Variants in ARHGAP36 observed in about 807,000 individuals in gnomAD.
ARHGAP36 encodes rho GTPase-activating protein 36.
A neutral mutation model predicts 32.9 loss-of-function variants in ARHGAP36; 7 were observed. The observed-to-expected ratio is 0.21, with a 90% CI of 0.12 to 0.40. ARHGAP36 has a LOEUF of 0.40. ARHGAP36 is among the 10% of genes least tolerant of loss of function. ARHGAP36 has a pLI of 1.00. For missense variants in ARHGAP36, 383 were observed against 442.2 expected (o/e 0.87, Z 1.20); for synonymous variants, 165 against 168.3 (o/e 0.98, Z 0.15).
intron 1 of ARHGAP36, chrX:131,078,652 C>T: frequency 1.4e-6 from 1 of 696,783 alleles, no homozygotes; most frequent in South Asian, 2.6e-5. Context: ...CTACTCATTC[C>T]CCCTCCCCAC....
chrX:131,081,415 C>T, intron 1 of ARHGAP36, 109 bp from the exon 2 acceptor site: 1 of 415,313 alleles, frequency 2.4e-6, no homozygotes, highest in Non-Finnish European at 3.2e-6. Context: ...TTTATTTTTT[C>T]TTCTTATTTT....
chrX:131,084,757 GACT>G lies in ARHGAP36; in HGVS notation c.804+79_804+81del. Reference sequence around the variant, plus strand: ...GGAGGTGGGGTTTCCCCATAGACCTGACTACCTGGTGGGGGGAGGAGCAGGGTC... The same window carrying G: ...GGAGGTGGGGTTTCCCCATAGACCTGACCTGGTGGGGGGAGGAGCAGGGTC... On this transcript the variant is annotated intron_variant, in intron 6 of 11. Transcript: ENST00000276211. 3.4e-6 allele frequency: 4 copies of G among 1,181,962 alleles called. No individual in the cohort carries two copies. In the South Asian group the frequency reaches 7.3e-5, roughly 22 times the overall value.
rs373746776 is a variant in ARHGAP36 at position 131,069,128 on chromosome X, C to A, written c.-143+10684C>A. On this transcript the variant is annotated intron_variant, in intron 1 of 11. Coordinates refer to ENST00000276211, the MANE Select transcript of ARHGAP36 (RefSeq NM_144967.4). ...TGCTTTGCACTTCTGGTTCTGGCCG[C>A]ACAGCCCCTGTGAGAATCTCTGAGG... Among the ~76,000 whole-genome samples the A allele has an allele frequency of 3.4e-3, 383 of 112,110 alleles. 2 individuals are homozygous for A. The highest frequency in any genetic ancestry group is 0.012 in the African/African-American group (369 of 30,847).
rs757546080 is a variant in ARHGAP36, at chrX:131,086,125, T to C, written c.1281+36T>C. On this transcript the variant is annotated intron_variant, in intron 9 of 11. Transcript: ENST00000276211. Reference sequence around the variant, plus strand: ...GTTTTGGATGCACTTGTTTTACACATCCATCTCCTGTTCACAAGGCAAGGC... The same window carrying C: ...GTTTTGGATGCACTTGTTTTACACACCCATCTCCTGTTCACAAGGCAAGGC... The C allele has an allele frequency of 9.2e-6, 11 of 1,193,895 alleles. No individual in the cohort carries two copies. The South Asian group carries it at 1.8e-4, about 20-fold the overall frequency.
At chrX:131,061,486 A>G (rs1195715371) in intron 1 of ARHGAP36, among the ~76,000 whole-genome samples, 1 of 111,537 alleles carries the variant, frequency 9.0e-6, no homozygotes, top group Middle Eastern at 4.3e-3. Flanking sequence ...TTGGCATTGG[A>G]TTTGGCCTCA....
At chrX:131,061,121 T>C (rs1335700936) in intron 1 of ARHGAP36, among the ~76,000 whole-genome samples, 1 of 109,925 alleles carries the variant, frequency 9.1e-6, no homozygotes. Context: ...AGCTGGCATG[T>C]GACAGCAATT....
At position 131,074,360 on chromosome X, in the gene ARHGAP36, A is replaced by T. The variant is rs7391458; in HGVS notation, c.-142-7164A>T. On this transcript the variant is annotated intron_variant, in intron 1 of 11. Transcript: ENST00000276211. ...GTGAGTGTGTGTGTGTGTGTGTGTG[A>T]GAGAGAGAGAGAGAGGGAAAATGCT... 5.9e-4 allele frequency among the ~76,000 whole-genome samples: 19 copies of T among 32,098 alleles called. No individual in the cohort carries two copies. The East Asian group carries it at 7.1e-3, about 12-fold the overall frequency. The allele number at this position is 32,098 out of a possible 115,157, so 27.9% of individuals were successfully genotyped here.
At chrX:131,067,940 G>A (rs963870089) in intron 1 of ARHGAP36, among the ~76,000 whole-genome samples, 1 of 110,950 alleles carries the variant, frequency 9.0e-6, no homozygotes, top group African/African-American at 3.3e-5. Flanking sequence ...ATGCACACAA[G>A]CTTCAACGGG....
intron 1 of ARHGAP36, among the ~76,000 whole-genome samples, chrX:131,073,991 G>A (rs1028417850): frequency 9.0e-6 from 1 of 111,464 alleles, no homozygotes; most frequent in Non-Finnish European, 1.9e-5. Flanking sequence ...CACTCAGACA[G>A]GATTTTGAAA....
At position 131,088,852 on chromosome X, in the gene ARHGAP36, A is replaced by C; in HGVS notation, c.*67A>C. The C allele has an allele frequency of 8.7e-7, 1 of 1,144,108 alleles. No homozygotes were observed. Among genetic ancestry groups the C allele is most frequent in the Non-Finnish European group, 1.2e-6 (1 of 860,727 alleles). 94.3% of individuals were successfully genotyped at this position (1,144,108 alleles called of 1,213,427 possible). ...GGGGGTACATCTGGGATGTCACAGG[A>C]AACATTAAGGAGAGAGTTGAAGGTA... On this transcript the variant is annotated 3_prime_UTR_variant, in exon 12 of 12. Coordinates refer to ENST00000276211, the MANE Select transcript of ARHGAP36 (RefSeq NM_144967.4).
intron 1 of ARHGAP36, among the ~76,000 whole-genome samples, chrX:131,077,323 C>T (rs2079767706): frequency 8.9e-6 from 1 of 112,127 alleles, no homozygotes; most frequent in Non-Finnish European, 1.9e-5. Flanking sequence ...AACTTTGAGG[C>T]ACTCTCAGAG....
In ARHGAP36 at chrX:131,083,160, T is replaced by C; in HGVS notation, c.254-5T>C. ...GTGTATCTTTTCTTTTTTCTCTTTC[T>C]GTAGCTCTGCCTATTGACCGTCCGA... On this transcript the variant is annotated splice_region_variant and splice_polypyrimidine_tract_variant and intron_variant, in intron 2 of 11. Coordinates refer to ENST00000276211, the MANE Select transcript of ARHGAP36 (RefSeq NM_144967.4). 1.7e-6 allele frequency: 2 copies of C among 1,209,771 alleles called. No homozygotes were observed. Among genetic ancestry groups the C allele is most frequent in the East Asian group, 3.0e-5 (1 of 33,836 alleles).
chrX:131,084,441 G>A (rs1476283474), intron 5 of ARHGAP36, 34 bp downstream of exon 5: 2 of 1,177,612 alleles, frequency 1.7e-6, no homozygotes, highest in Non-Finnish European at 2.3e-6. Context: ...ATCAAGGAAG[G>A]AAGCAAAGGG....
chrX:131,083,544 G>T (rs1419641273), intron 3 of ARHGAP36, among the ~76,000 whole-genome samples, 190 bp from the exon 4 acceptor site: 1 of 111,920 alleles, frequency 8.9e-6, no homozygotes, highest in Non-Finnish European at 1.9e-5. Flanking sequence ...TGGTTGAGTG[G>T]AGCTGAGTCC....
chrX:131,082,292 T>G (rs1054947053), intron 2 of ARHGAP36, among the ~76,000 whole-genome samples: 6 of 110,920 alleles, frequency 5.4e-5, no homozygotes, highest in Non-Finnish European at 1.1e-4. Context: ...CTGGGAGAGA[T>G]AGAGACAGCG....
In ARHGAP36 at chrX:131,081,723, C is replaced by A. The variant is rs778383720; in HGVS notation, c.58C>A (p.Pro20Thr). ...AAGGGCACTGTGCCCCAGAATCATG[C>A]CCCCTTTGCTGTTGTTGTCCGCCTT... ...AARALCPRIM[P>T]PLLLLSAFIF... is the part of the protein sequence containing the mutation. Residue 20 changes from proline (P) to threonine (T), a missense_variant, in exon 2 of 12, where the codon CCC (proline) becomes ACC (threonine). This residue lies in a region of ARHGAP36 where 156 missense variants were observed against 131.0 expected (regional missense o/e 1.19). Transcript: ENST00000276211. The A allele has an allele frequency of 8.3e-7, 1 of 1,211,690 alleles. No individual in the cohort carries two copies. Among genetic ancestry groups the A allele is most frequent in the Admixed American group, 2.2e-5 (1 of 46,059 alleles).
At position 131,085,661 on chromosome X, in the gene ARHGAP36, C is replaced by T. The variant is rs758800583; in HGVS notation, c.1029C>T (p.Thr343=). The change falls in exon 8 of 12, where the codon ACC becomes ACT. Residue 343 remains threonine, a synonymous_variant. Coordinates refer to ENST00000276211, the MANE Select transcript of ARHGAP36 (RefSeq NM_144967.4). ...VYLMPPCHSD[T]LERLLKALHK... ...TGATGCCACCCTGCCACAGTGATACCCTGGAGCGTCTGCTGAAGGCCCTGC... is the reference window on the plus strand; with the variant it reads ...TGATGCCACCCTGCCACAGTGATACTCTGGAGCGTCTGCTGAAGGCCCTGC... The T allele has an allele frequency of 5.0e-6, 6 of 1,211,293 alleles. No homozygotes were observed. The highest frequency in any genetic ancestry group is 2.3e-4 in the Middle Eastern group (1 of 4,354).
In ARHGAP36 at chrX:131,081,930, C is replaced by G. The variant is rs372924667; in HGVS notation, c.253+12C>G. ...CAAACCTGACAGAGGTAAGCTGTAC[C>G]CCGGATTGTGGCATCCTCGCCTTCG... On this transcript the variant is annotated intron_variant, in intron 2 of 11. Coordinates refer to ENST00000276211, the MANE Select transcript of ARHGAP36 (RefSeq NM_144967.4). The G allele has an allele frequency of 8.3e-7, 1 of 1,208,323 alleles. No individual in the cohort carries two copies. Among genetic ancestry groups the G allele is most frequent in the Non-Finnish European group, 1.1e-6 (1 of 893,540 alleles).
chrX:131,083,875 TGGTGCGAAG>T lies in ARHGAP36; in HGVS notation c.466_474del (p.Arg156_Val158del). 1.6e-6 allele frequency: 2 copies of T among 1,212,342 alleles called. No individual in the cohort carries two copies. The highest frequency in any genetic ancestry group is 3.5e-5 in the South Asian group (2 of 57,024). ...GCTGCGGGCCGTCGTCGGGGAAACG[TGGTGCGAAG>T]GGTGTTTGGCCGCATCCGGCGCTTT... On this transcript the variant is annotated inframe_deletion, in exon 4 of 12. Coordinates refer to ENST00000276211, the MANE Select transcript of ARHGAP36 (RefSeq NM_144967.4).
Sources: allele counts gnomAD v4.1 joint callset (sites outside exome capture counted in the v4.1 genomes callset), GRCh38; gene constraint gnomAD v4.1.1; regional missense constraint gnomAD v4.1.1; transcripts MANE v1.5; gene names NCBI Gene and HGNC (gene_info 2026-07-23, HGNC 2026-07-21).